The following ASTN2 variants were observed in gnomAD, a reference collection of about 807,000 sequenced individuals.
The protein encoded by ASTN2 is astrotactin-2.
In ASTN2, 54 loss-of-function variants were observed where a neutral mutation model predicts 139.8. The ratio of observed to expected loss-of-function variants is 0.39; its 90% CI spans 0.31 to 0.48. ASTN2 has a LOEUF of 0.48. ASTN2 is among the 20% of genes least tolerant of loss of function. The pLI is 0.95. For synonymous variants in ASTN2, 756 were observed against 719.5 expected (o/e 1.05, Z -0.81); for missense variants, 1,565 against 1,725.1 (o/e 0.91, Z 1.64).
Position 116,698,629 on chromosome 9 carries a change from A to C in ASTN2, c.2806+27142T>G. The C allele has an allele frequency of 6.2e-7, 1 of 1,614,162 alleles. No homozygotes were observed. On this transcript the variant is annotated intron_variant, in intron 16 of 22. Coordinates refer to ENST00000313400, the MANE Select transcript of ASTN2 (RefSeq NM_001365068.1). The surrounding 1 kb of genome is among the most constrained non-coding windows in gnomAD (Gnocchi z 4.4). ...CCCCTCCAAATTGGACAAGCTGTTA[A>C]GAAGCCCCGGACAGTTAACGTGGAA... is the stretch of plus-strand genomic sequence containing the variant.
intron 1 of ASTN2, among the ~76,000 whole-genome samples, chr9:117,388,644 T>A (rs7864274): frequency 1.5e-3 from 223 of 152,292 alleles, no homozygotes; most frequent in African/African-American, 5.1e-3. Context: ...ATGGCTTGGT[T>A]AGGGTGCTCA....
intron 20 of ASTN2, among the ~76,000 whole-genome samples, chr9:116,477,866 A>G: frequency 2.6e-5 from 4 of 151,046 alleles, no homozygotes; most frequent in African/African-American, 9.7e-5. Flanking sequence ...AAAAAGAAAA[A>G]AAAAAAAAAT....
At chr9:117,000,590 T>C (rs555881415) in intron 7 of ASTN2, among the ~76,000 whole-genome samples, 1 of 152,232 alleles carries the variant, frequency 6.6e-6, no homozygotes, top group Non-Finnish European at 1.5e-5. Context: ...TGTTGCATTT[T>C]ACTGGACCAG....
At chr9:116,863,440 C>G (rs1832942943) in intron 11 of ASTN2, 143 bp downstream of exon 11, 1 of 1,011,962 alleles carries the variant, frequency 9.9e-7, no homozygotes. Flanking sequence ...CCAAGGTAGG[C>G]TGGCATACTG....
intron 13 of ASTN2, among the ~76,000 whole-genome samples, chr9:116,760,910 G>A (rs991688443): frequency 8.5e-5 from 13 of 152,206 alleles, no homozygotes; most frequent in Non-Finnish European, 1.5e-5. Flanking sequence ...CTACTCTCAA[G>A]GGTTGGGGGA....
At chr9:117,403,753 G>A (rs1016698202) in intron 1 of ASTN2, among the ~76,000 whole-genome samples, 1 of 152,066 alleles carries the variant, frequency 6.6e-6, no homozygotes, top group African/African-American at 2.4e-5. Flanking sequence ...ATTCTGCCCC[G>A]CCTGCTCCCA....
At chr9:116,979,540 A>G (rs1378174051) in intron 7 of ASTN2, among the ~76,000 whole-genome samples, 1 of 152,148 alleles carries the variant, frequency 6.6e-6, no homozygotes, top group East Asian at 1.9e-4. Flanking sequence ...GTCACTAAAG[A>G]AGTGTTAAAA....
chr9:117,166,400 T>C (rs963147739), intron 3 of ASTN2, among the ~76,000 whole-genome samples: 1 of 152,106 alleles, frequency 6.6e-6, no homozygotes, highest in Non-Finnish European at 1.5e-5. Context: ...TAGAATCTTA[T>C]AATTTATCTG....
chr9:117,282,071 T>C (rs1033700818), intron 2 of ASTN2, among the ~76,000 whole-genome samples: 4 of 152,192 alleles, frequency 2.6e-5, no homozygotes, highest in Non-Finnish European at 4.4e-5. Flanking sequence ...TGTTTCATTT[T>C]CCCCCATCTC....
At chr9:116,668,399 C>G (rs1299560902) in intron 16 of ASTN2, among the ~76,000 whole-genome samples, 1 of 152,150 alleles carries the variant, frequency 6.6e-6, no homozygotes, top group Non-Finnish European at 1.5e-5. Context: ...CCCATGTTGG[C>G]CAGGCTGACC....
At chr9:116,636,037 T>G (rs577897236) in intron 17 of ASTN2, among the ~76,000 whole-genome samples, 1 of 152,242 alleles carries the variant, frequency 6.6e-6, no homozygotes, top group African/African-American at 2.4e-5. Flanking sequence ...CATGCCAAAC[T>G]GTAGTGGAAA....
At chr9:116,788,203 A>G (rs1830430311) in intron 13 of ASTN2, among the ~76,000 whole-genome samples, 1 of 152,064 alleles carries the variant, frequency 6.6e-6, no homozygotes, top group Non-Finnish European at 1.5e-5. Flanking sequence ...GAATAGGGAG[A>G]GATTGGTCAA....
chr9:117,318,645 A>C (rs1232875272), intron 1 of ASTN2, among the ~76,000 whole-genome samples: 1 of 152,182 alleles, frequency 6.6e-6, no homozygotes, highest in Non-Finnish European at 1.5e-5. Flanking sequence ...AGTCAGACTC[A>C]AGGTACAAAT....
intron 10 of ASTN2, among the ~76,000 whole-genome samples, chr9:116,961,392 C>A (rs1392068397): frequency 6.6e-6 from 1 of 152,194 alleles, no homozygotes; most frequent in African/African-American, 2.4e-5. Flanking sequence ...TCCCCCAACT[C>A]TCCGCAACCA....
chr9:117,412,572 G>A (rs890180144), intron 1 of ASTN2, among the ~76,000 whole-genome samples: 1 of 152,152 alleles, frequency 6.6e-6, no homozygotes, highest in Non-Finnish European at 1.5e-5. Context: ...CAGATGGTTG[G>A]AGCAGGTCCT....
At chr9:117,016,658 C>CATATATATAGGTTATATATATATGTTA (rs1564386091) in intron 6 of ASTN2, among the ~76,000 whole-genome samples, 20 of 10,602 alleles carry the variant, frequency 1.9e-3, no homozygotes, top group African/African-American at 3.5e-3. Context: ...ATATATATAA[C>CATATATATAGGTTATATATATATGTTA]CTATATATAT....
chr9:117,044,624 C>T (rs1838679481), intron 5 of ASTN2, among the ~76,000 whole-genome samples: 1 of 152,198 alleles, frequency 6.6e-6, no homozygotes, highest in Non-Finnish European at 1.5e-5. Context: ...TCTTACTGCA[C>T]TGCTGTTGTA....
At chr9:116,846,040 C>T (rs1324919146) in intron 11 of ASTN2, among the ~76,000 whole-genome samples, 5 of 152,170 alleles carry the variant, frequency 3.3e-5, no homozygotes. Flanking sequence ...GAAGGCAATT[C>T]TGACACACGC....
In ASTN2 at chr9:116,468,237, CAGAA is replaced by C. The variant is rs112784698; in HGVS notation, c.3497+19118_3497+19121del. 0.016 allele frequency among the ~76,000 whole-genome samples: 2,416 copies of C among 152,258 alleles called. 179 individuals carry two copies. The South Asian group carries it at 0.21, about 13-fold the overall frequency. ...CTCCCAAAGGCTTTCTTTCCTTTTT[CAGAA>C]AGAGATGAGAGCTAATTACCTATAA... On this transcript the variant is annotated intron_variant, in intron 20 of 22. Coordinates refer to ENST00000313400, the MANE Select transcript of ASTN2 (RefSeq NM_001365068.1).
Sources: gnomAD v4.1 joint callset for allele counts (sites outside exome capture counted in the v4.1 genomes callset) on GRCh38, gnomAD v4.1.1 for gene constraint, Gnocchi (gnomAD v3.1) non-coding constraint, MANE v1.5 for transcripts, NCBI Gene and HGNC (gene_info 2026-07-23, HGNC 2026-07-21) for gene names.